ZFP69: variants seen among roughly 807,000 people sequenced by gnomAD.
ZFP69 encodes zinc finger protein 69 homolog.
Under a neutral mutation model 48.9 loss-of-function variants are expected in ZFP69, and 35 were observed. The ratio of observed to expected loss-of-function variants is 0.72; its 90% confidence interval spans 0.55 to 0.95. ZFP69 has a LOEUF of 0.95. Ranked by LOEUF, ZFP69 falls within the 40% of genes least tolerant of loss-of-function variation. The pLI is 0.00. For missense variants in ZFP69, 557 were observed against 638.4 expected (o/e 0.87, Z 1.37); for synonymous variants, 193 against 216.8 (o/e 0.89, Z 0.96).
intron 3 of ZFP69, among the ~76,000 whole-genome samples, chr1:40,488,558 T>A (rs1279941319): frequency 6.6e-6 from 1 of 152,170 alleles, no homozygotes; most frequent in East Asian, 1.9e-4. Flanking sequence ...CTCTCTTGAT[T>A]TCATTTCTTT....
chr1:40,485,837 A>G (rs962414805), intron 3 of ZFP69, among the ~76,000 whole-genome samples: 7 of 152,110 alleles, frequency 4.6e-5, no homozygotes, highest in African/African-American at 1.7e-4. Flanking sequence ...GGCAGGTGTT[A>G]TTCTTTTTAT....
At position 40,490,144 on chromosome 1, in the gene ZFP69, G is replaced by A. The variant is rs150461942; in HGVS notation, c.442+520G>A. Among the ~76,000 whole-genome samples the A allele has an allele frequency of 1.4e-3, 211 of 152,098 alleles. 1 individual carries two copies. The highest frequency in any genetic ancestry group is 4.8e-3 in the African/African-American group (198 of 41,474). On this transcript the variant is annotated intron_variant, in intron 5 of 5. Transcript: ENST00000372706. ...GCCTTCCAAGGTGCTGGGATTTCAG[G>A]TGTGAGCCACTGCGCCAGGCTGGTG...
chr1:40,489,785 C>A (rs146420614), intron 5 of ZFP69, among the ~76,000 whole-genome samples, 161 bp downstream of exon 5: 1 of 151,046 alleles, frequency 6.6e-6, no homozygotes, highest in Admixed American at 6.6e-5. Context: ...AGGAAACTTA[C>A]AATCATGGTG....
chr1:40,485,926 C>T (rs1366518450), intron 3 of ZFP69, among the ~76,000 whole-genome samples: 8 of 151,926 alleles, frequency 5.3e-5, no homozygotes, highest in Admixed American at 2.0e-4. Context: ...TTTTTTGAGA[C>T]GGAGTCTTGC....
chr1:40,492,997 G>A (rs1201576713), intron 5 of ZFP69, among the ~76,000 whole-genome samples: 2 of 152,024 alleles, frequency 1.3e-5, no homozygotes, highest in Non-Finnish European at 2.9e-5. Context: ...ATGCTGAGGC[G>A]GGCAGATCAC....
rs148220365 is a variant in ZFP69, at chr1:40,486,567, C to T, written c.220-2521C>T. Among the ~76,000 whole-genome samples, 647 of 133,602 alleles carry T rather than the reference C, an allele frequency of 4.8e-3. 4 individuals are homozygous for T. Among genetic ancestry groups the T allele is most frequent in the Non-Finnish European group, 7.8e-3 (500 of 64,364 alleles). The allele number at this position is 133,602 out of a possible 152,430, so 87.6% of individuals were successfully genotyped here. On this transcript the variant is annotated intron_variant, in intron 3 of 5. Coordinates refer to ENST00000372706, the MANE Select transcript of ZFP69 (RefSeq NM_001320179.2). Reference sequence around the variant, plus strand: ...CTGAGCAGCTGGGGCTACAAGTGTGCGCCACCATGCCTGGCTAATTTTTGT... The same window carrying T: ...CTGAGCAGCTGGGGCTACAAGTGTGTGCCACCATGCCTGGCTAATTTTTGT...
intron 1 of ZFP69, among the ~76,000 whole-genome samples, chr1:40,478,622 G>T (rs999847977): frequency 2.0e-5 from 3 of 152,142 alleles, no homozygotes; most frequent in African/African-American, 7.2e-5. Flanking sequence ...TCAGCAATAT[G>T]ATAACAGGTT....
chr1:40,491,609 A>G (rs1645568834), intron 5 of ZFP69, among the ~76,000 whole-genome samples: 1 of 152,150 alleles, frequency 6.6e-6, no homozygotes, highest in Admixed American at 6.5e-5. Context: ...AGTGAAAGGA[A>G]GTATATTTCT....
At chr1:40,492,578 G>A (rs1440091574) in intron 5 of ZFP69, among the ~76,000 whole-genome samples, 1 of 152,042 alleles carries the variant, frequency 6.6e-6, no homozygotes, top group South Asian at 2.1e-4. Context: ...AAGTTGTTCT[G>A]GTTATTCTTG....
At position 40,489,216 on chromosome 1, in the gene ZFP69, T is replaced by C. The variant is rs776117967; in HGVS notation, c.346+2T>C. Reference sequence around the variant, plus strand: ...ACTACAGCAACTTGGTGTCAGTGGGTAAGACTTGGCTATCCATGCATCCAG... The same window carrying C: ...ACTACAGCAACTTGGTGTCAGTGGGCAAGACTTGGCTATCCATGCATCCAG... On this transcript the variant is annotated splice_donor_variant, in intron 4 of 5. Coordinates refer to ENST00000372706, the MANE Select transcript of ZFP69 (RefSeq NM_001320179.2). LOFTEE classifies it high-confidence loss of function. 17 of 1,613,844 alleles carry C rather than the reference T, an allele frequency of 1.1e-5. No individual in the cohort carries two copies. The highest frequency in any genetic ancestry group is 1.4e-5 in the Non-Finnish European group (17 of 1,179,828).
intron 3 of ZFP69, among the ~76,000 whole-genome samples, chr1:40,486,349 C>T (rs1157616133): frequency 6.6e-6 from 1 of 151,804 alleles, no homozygotes; most frequent in African/African-American, 2.4e-5. Flanking sequence ...CTACCTATTC[C>T]CTCTTCTGAG....
chr1:40,496,196 C>A lies in ZFP69; in HGVS notation c.*137C>A. 1 of 879,708 alleles carries A rather than the reference C, an allele frequency of 1.1e-6. No individual in the cohort carries two copies. The allele number at this position is 879,708 out of a possible 1,614,324, so 54.5% of individuals were successfully genotyped here. On this transcript the variant is annotated 3_prime_UTR_variant, in exon 6 of 6. Transcript: ENST00000372706. ...TTTTTCCCATTGTAAATAAACATTA[C>A]ATTGACAGGTATTGACTACTAACAC... is the stretch of plus-strand genomic sequence containing the variant.
chr1:40,486,449 CCCTCCATCCCTCCCTCCCTCCTTTCTT>C (rs1645499571), intron 3 of ZFP69, among the ~76,000 whole-genome samples: 2 of 128,280 alleles, frequency 1.6e-5, no homozygotes, highest in African/African-American at 5.6e-5. Flanking sequence ...CTTCCTCCCT[CCCTCCATCCCTCCCTCCCTCCTTTCTT>C]CCTCCCTCCC....
chr1:40,486,404 C>G (rs1304310716), intron 3 of ZFP69, among the ~76,000 whole-genome samples: 1 of 148,958 alleles, frequency 6.7e-6, no homozygotes, highest in Non-Finnish European at 1.5e-5. Flanking sequence ...CTTCCTCCCT[C>G]CTTTCCTCCC....
rs56706952 is a variant in ZFP69 at position 40,483,226 on chromosome 1, A to ATTTTTTTTTTTTTTTTTTT, written c.219+1374_219+1392dup. 5.3e-3 allele frequency among the ~76,000 whole-genome samples: 622 copies of ATTTTTTTTTTTTTTTTTTT among 116,902 alleles called. 31 individuals carry two copies. The highest frequency in any genetic ancestry group is 0.013 in the Middle Eastern group (3 of 224). The allele number at this position is 116,902 out of a possible 152,430, so 76.7% of individuals were successfully genotyped here. Reference sequence around the variant, plus strand: ...AAAATCAAACCATACACCTTTTTTAATTTTTTTTTTTTTTTTTTTTAGAGA... The same window carrying ATTTTTTTTTTTTTTTTTTT: ...AAAATCAAACCATACACCTTTTTTAATTTTTTTTTTTTTTTTTTTTTTTTTTTTTTTTTTTTTTTAGAGA... On this transcript the variant is annotated intron_variant, in intron 3 of 5. Coordinates refer to ENST00000372706, the MANE Select transcript of ZFP69 (RefSeq NM_001320179.2).
intron 5 of ZFP69, among the ~76,000 whole-genome samples, chr1:40,492,188 TATC>T (rs1645576632): frequency 6.6e-6 from 1 of 152,216 alleles, no homozygotes; most frequent in African/African-American, 2.4e-5. Context: ...TCCTCCATTT[TATC>T]ATATATGTGG....
At chr1:40,490,027 G>A (rs112881217) in intron 5 of ZFP69, among the ~76,000 whole-genome samples, 22,278 of 151,732 alleles carry the variant, frequency 0.15, 1,818 homozygotes, top group Middle Eastern at 0.23. Context: ...GCGCCACCAC[G>A]CTCAGCTAAT....
chr1:40,483,072 C>T (rs1463843434), intron 3 of ZFP69, among the ~76,000 whole-genome samples: 9 of 151,444 alleles, frequency 5.9e-5, no homozygotes, highest in African/African-American at 9.7e-5. Context: ...ATGAGATCTG[C>T]GGGTGGGGTG....
At chr1:40,488,005 C>T (rs925823249) in intron 3 of ZFP69, among the ~76,000 whole-genome samples, 2 of 148,372 alleles carry the variant, frequency 1.3e-5, no homozygotes, top group African/African-American at 2.5e-5. Context: ...CGCACCACTG[C>T]ACTCCAGCCT....
Sources: gnomAD v4.1 joint callset for allele counts (sites outside exome capture counted in the v4.1 genomes callset) on GRCh38, gnomAD v4.1.1 for gene constraint, MANE v1.5 for transcripts, NCBI Gene and HGNC (gene_info 2026-07-23, HGNC 2026-07-21) for gene names.